Variants in GLIS3 observed in about 807,000 individuals in gnomAD.
The protein encoded by GLIS3 is GLIS family zinc finger 3, also known as zinc finger protein GLIS3.
A neutral mutation model predicts 78.6 loss-of-function variants in GLIS3; 53 were observed. The observed-to-expected ratio is 0.67, with a 90% CI of 0.54 to 0.85. The LOEUF is 0.85. Ranked by LOEUF, GLIS3 falls within the 40% of genes least tolerant of loss-of-function variation. The pLI is 0.00. For missense variants in GLIS3, 1,703 were observed against 1,231.1 expected (o/e 1.38, Z -5.74); for synonymous variants, 684 against 509.9 (o/e 1.34, Z -4.60).
At chr9:4,345,753 T>C (rs1207576064) in intron 2 of GLIS3, among the ~76,000 whole-genome samples, 1 of 152,208 alleles carries the variant, frequency 6.6e-6, no homozygotes, top group African/African-American at 2.4e-5. Flanking sequence ...AATTTTGAAA[T>C]ATGTAGGTAA....
chr9:4,355,648 A>C, the GLIS3 span, among the ~76,000 whole-genome samples: 1 of 152,176 alleles, frequency 6.6e-6, no homozygotes, highest in Non-Finnish European at 1.5e-5. Flanking sequence ...CTTCTTAATC[A>C]TACCCCATCT....
At chr9:4,293,680 T>C (rs1816225026) in intron 1 of GLIS3, among the ~76,000 whole-genome samples, 1 of 152,220 alleles carries the variant, frequency 6.6e-6, no homozygotes, top group Non-Finnish European at 1.5e-5. Flanking sequence ...TCAGCAGGCC[T>C]ACAAAAGAAA....
intron 2 of GLIS3, among the ~76,000 whole-genome samples, chr9:4,205,773 A>G (rs1003726766): frequency 6.6e-6 from 1 of 152,240 alleles, no homozygotes; most frequent in Non-Finnish European, 1.5e-5. Context: ...TTCCAACAAG[A>G]CAAGACTAAG....
chr9:4,311,633 C>G (rs1209496507), intron 2 of GLIS3, among the ~76,000 whole-genome samples: 1 of 152,156 alleles, frequency 6.6e-6, no homozygotes, highest in Non-Finnish European at 1.5e-5. Flanking sequence ...CACCATCTGT[C>G]TTCCCCAACA....
chr9:4,260,409 A>T (rs1451421487), intron 2 of GLIS3, among the ~76,000 whole-genome samples: 3 of 152,110 alleles, frequency 2.0e-5, no homozygotes, highest in Non-Finnish European at 4.4e-5. Context: ...TACTAAAAAA[A>T]TACAAGAATT....
At chr9:4,248,539 G>A (rs1292588564) in intron 2 of GLIS3, among the ~76,000 whole-genome samples, 1 of 152,144 alleles carries the variant, frequency 6.6e-6, no homozygotes, top group Non-Finnish European at 1.5e-5. Flanking sequence ...AAATAGTGCT[G>A]CAATAAATAT....
the GLIS3 span, among the ~76,000 whole-genome samples, chr9:4,405,433 G>A: frequency 6.6e-6 from 1 of 150,928 alleles, no homozygotes; most frequent in Non-Finnish European, 1.5e-5. Flanking sequence ...GATCATTAGT[G>A]GCTACTATGA....
chr9:4,003,916 G>A (rs557942281), intron 4 of GLIS3, among the ~76,000 whole-genome samples: 54 of 152,288 alleles, frequency 3.5e-4, no homozygotes, highest in African/African-American at 1.3e-3. Context: ...CGTGGTTAAG[G>A]CAGAGATCTT....
At chr9:4,387,095 G>A in the GLIS3 span, among the ~76,000 whole-genome samples, 3 of 152,208 alleles carry the variant, frequency 2.0e-5, no homozygotes, top group Non-Finnish European at 4.4e-5. Flanking sequence ...TTGGTTAAAA[G>A]ATTTAATGGC....
At chr9:4,098,784 C>T (rs924606243) in intron 4 of GLIS3, among the ~76,000 whole-genome samples, 4 of 152,028 alleles carry the variant, frequency 2.6e-5, no homozygotes, top group Non-Finnish European at 5.9e-5. Flanking sequence ...TAAAAATATA[C>T]TCTTCAATTA....
chr9:3,907,602 C>CACACACA (rs1554644529), intron 6 of GLIS3, among the ~76,000 whole-genome samples: 3 of 81,538 alleles, frequency 3.7e-5, no homozygotes, highest in Admixed American at 1.4e-4. Flanking sequence ...CCTCCACCCC[C>CACACACA]CAAACACACA....
At chr9:3,855,547 G>A in intron 9 of GLIS3, 1 of 232,134 alleles carries the variant, frequency 4.3e-6, no homozygotes, top group Non-Finnish European at 8.6e-6. Flanking sequence ...AGCCTGGAGA[G>A]ATGACATCAG....
rs1489073043 is a variant in GLIS3 at position 3,947,383 on chromosome 9, A to G, written c.1711-10194T>C. Among the ~76,000 whole-genome samples, 5 of 152,254 alleles carry G rather than the reference A, an allele frequency of 3.3e-5. No homozygotes were observed. The East Asian group carries it at 9.6e-4, about 29-fold the overall frequency. On this transcript the variant is annotated intron_variant, in intron 4 of 10. Transcript: ENST00000381971. Reference sequence around the variant, plus strand: ...TGCGGGTTGCAACAGAATGTATGCTAACATACATACAGCAACACAAACCTC... The same window carrying G: ...TGCGGGTTGCAACAGAATGTATGCTGACATACATACAGCAACACAAACCTC...
intron 8 of GLIS3, among the ~76,000 whole-genome samples, chr9:3,867,955 G>A (rs540835263): frequency 1.3e-5 from 2 of 152,314 alleles, no homozygotes; most frequent in South Asian, 4.1e-4. Context: ...TGATGTTCAT[G>A]ATGACATGGC....
the GLIS3 span, among the ~76,000 whole-genome samples, chr9:4,416,958 C>G: frequency 6.6e-6 from 1 of 151,768 alleles, no homozygotes. Flanking sequence ...TCTTCTATAA[C>G]CCCATTTACG....
chr9:3,920,742 A>G (rs1019198228), intron 6 of GLIS3, among the ~76,000 whole-genome samples: 2 of 151,942 alleles, frequency 1.3e-5, no homozygotes, highest in African/African-American at 4.8e-5. Context: ...AATGTCAAGG[A>G]TGTCCTTTGC....
At chr9:4,227,834 A>T (rs1821907290) in intron 2 of GLIS3, among the ~76,000 whole-genome samples, 1 of 152,252 alleles carries the variant, frequency 6.6e-6, no homozygotes, top group Non-Finnish European at 1.5e-5. Flanking sequence ...AATGCTGCTA[A>T]GGGTCATAGA....
chr9:4,091,171 A>G (rs943880337), intron 4 of GLIS3, among the ~76,000 whole-genome samples: 2 of 152,160 alleles, frequency 1.3e-5, no homozygotes, highest in Non-Finnish European at 2.9e-5. Context: ...CCTGGTAAAC[A>G]TAGTGAGACC....
intron 4 of GLIS3, among the ~76,000 whole-genome samples, chr9:3,987,540 A>G (rs1278371674): frequency 6.6e-6 from 1 of 151,710 alleles, no homozygotes; most frequent in Non-Finnish European, 1.5e-5. Context: ...TGTCTCTACT[A>G]AAAATGCAAA....
Sources: allele counts gnomAD v4.1 joint callset (sites outside exome capture counted in the v4.1 genomes callset), GRCh38; gene constraint gnomAD v4.1.1; transcripts MANE v1.5; gene names NCBI Gene and HGNC (gene_info 2026-07-23, HGNC 2026-07-21).